CNBD1: variants seen among roughly 807,000 people sequenced by gnomAD.
CNBD1 encodes the protein cyclic nucleotide-binding domain-containing protein 1.
A neutral mutation model predicts 54.4 loss-of-function variants in CNBD1; 71 were observed. The observed-to-expected ratio is 1.30, with a 90% confidence interval of 1.08 to 1.59. The LOEUF (loss-of-function observed/expected upper bound fraction) is 1.59. Among genes scored for constraint, CNBD1 ranks in the 40% most tolerant of loss-of-function variants. The pLI is 0.00. For synonymous variants in CNBD1, 182 were observed against 170.7 expected, an observed-to-expected ratio of 1.07 and a Z score of -0.51; for missense variants, 659 against 518.0, an observed-to-expected ratio of 1.27 and a Z score of -2.64.
chr8:87,129,886 AAG>A (rs1195935103), intron 4 of CNBD1, among the ~76,000 whole-genome samples: 1 of 152,210 alleles, frequency 6.6e-6, no homozygotes, highest in Non-Finnish European at 1.5e-5. Context: ...TTAGAAAAGA[AAG>A]AGGTTTAATT....
intron 4 of CNBD1, among the ~76,000 whole-genome samples, chr8:87,062,678 C>G (rs141595362): frequency 1.3e-5 from 2 of 151,242 alleles, no homozygotes; most frequent in African/African-American, 2.4e-5. Context: ...GCAGCGATTG[C>G]GGTGAGCCAA....
intron 8 of CNBD1, among the ~76,000 whole-genome samples, chr8:87,295,302 A>G (rs1475927016): frequency 6.6e-6 from 1 of 152,000 alleles, no homozygotes; most frequent in Non-Finnish European, 1.5e-5. Flanking sequence ...TACTTCAAAC[A>G]TACTTTGTAG....
intron 4 of CNBD1, among the ~76,000 whole-genome samples, chr8:87,040,517 A>G (rs2130608598): frequency 6.9e-6 from 1 of 144,966 alleles, no homozygotes; most frequent in South Asian, 2.2e-4. Context: ...TCCGCCTTCC[A>G]GGTTAATGCC....
intron 6 of CNBD1, among the ~76,000 whole-genome samples, chr8:87,249,840 C>T (rs1200822764): frequency 3.3e-5 from 5 of 152,074 alleles, no homozygotes; most frequent in Admixed American, 1.3e-4. Flanking sequence ...AAAAACAGGA[C>T]CCTTGAACTT....
chr8:87,396,091 T>C (rs1356897151), intron 2 of CNBD1, among the ~76,000 whole-genome samples: 2 of 151,900 alleles, frequency 1.3e-5, no homozygotes, highest in Non-Finnish European at 2.9e-5. Flanking sequence ...AAATGACTAA[T>C]ACAACAGATA....
At chr8:87,270,310 A>G (rs186365129) in intron 6 of CNBD1, among the ~76,000 whole-genome samples, 1 of 152,044 alleles carries the variant, frequency 6.6e-6, no homozygotes, top group Admixed American at 6.6e-5. Context: ...AAGGACATAA[A>G]CAGACACTTT....
At chr8:87,205,323 C>T (rs761244089) in intron 4 of CNBD1, among the ~76,000 whole-genome samples, 101 of 152,238 alleles carry the variant, frequency 6.6e-4, no homozygotes, top group African/African-American at 1.5e-3. Flanking sequence ...TGAGCCACCA[C>T]GCCTGGCCAA....
intron 4 of CNBD1, among the ~76,000 whole-genome samples, chr8:87,005,716 T>C (rs925618754): frequency 6.6e-6 from 1 of 152,080 alleles, no homozygotes. Flanking sequence ...CTCAAGTCTA[T>C]TGAAACAAAA....
At chr8:86,902,726 C>A (rs909860035) in intron 2 of CNBD1, among the ~76,000 whole-genome samples, 1 of 151,910 alleles carries the variant, frequency 6.6e-6, no homozygotes, top group African/African-American at 2.4e-5. Context: ...AGGATTTACT[C>A]ATAGCCTGGT....
intron 10 of CNBD1, among the ~76,000 whole-genome samples, chr8:87,355,527 A>T (rs1390355416): frequency 1.3e-5 from 2 of 151,660 alleles, no homozygotes; most frequent in Non-Finnish European, 3.0e-5. Context: ...CAAATACTAT[A>T]AATACTCAAA....
rs1171161565 is a variant in CNBD1, at chr8:87,086,075, G to A, written c.432-119918G>A. Among the ~76,000 whole-genome samples the A allele has an allele frequency of 4.6e-5, 7 of 152,088 alleles. No individual in the cohort carries two copies. The East Asian group carries it at 1.2e-3, about 25-fold the overall frequency. ...GGGAGCTTTTGTAATTTCAGCAATGGGTCTCTCATCTAAGTTCCTGGTGAG... is the reference window on the plus strand; with the variant it reads ...GGGAGCTTTTGTAATTTCAGCAATGAGTCTCTCATCTAAGTTCCTGGTGAG... On this transcript the variant is annotated intron_variant, in intron 4 of 10. Coordinates refer to ENST00000518476, the MANE Select transcript of CNBD1 (RefSeq NM_173538.3).
chr8:86,937,284 C>T lies in CNBD1; in HGVS notation c.273-2312C>T, dbSNP rs549209568. Among the ~76,000 whole-genome samples the T allele has an allele frequency of 4.0e-4, 61 of 152,224 alleles. No individual in the cohort carries two copies. In the East Asian group the frequency reaches 0.011, roughly 28 times the overall value. On this transcript the variant is annotated intron_variant, in intron 3 of 10. Coordinates refer to ENST00000518476, the MANE Select transcript of CNBD1 (RefSeq NM_173538.3). Reference sequence around the variant, plus strand: ...AGACCTGCCCCCATGATTCAGATACCTCCCACTGGGTCCCTCCCACAACAC... The same window carrying T: ...AGACCTGCCCCCATGATTCAGATACTTCCCACTGGGTCCCTCCCACAACAC...
At chr8:87,293,760 AAC>A (rs1042940387) in intron 8 of CNBD1, among the ~76,000 whole-genome samples, 6 of 152,216 alleles carry the variant, frequency 3.9e-5, no homozygotes, top group African/African-American at 1.4e-4. Flanking sequence ...AATAAATATC[AAC>A]ACACACAGTG....
At chr8:86,895,088 C>T (rs992297398) in intron 2 of CNBD1, among the ~76,000 whole-genome samples, 1 of 152,136 alleles carries the variant, frequency 6.6e-6, no homozygotes, top group African/African-American at 2.4e-5. Context: ...ATTCATAAGT[C>T]ATACCCTCAT....
intron 3 of CNBD1, among the ~76,000 whole-genome samples, chr8:86,932,252 C>T (rs185392864): frequency 6.6e-6 from 1 of 152,282 alleles, no homozygotes; most frequent in East Asian, 1.9e-4. Context: ...CTGAAAACTT[C>T]CCCAGGTCTA....
At chr8:87,045,967 G>C (rs796842956) in intron 4 of CNBD1, among the ~76,000 whole-genome samples, 3 of 150,854 alleles carry the variant, frequency 2.0e-5, no homozygotes, top group South Asian at 4.2e-4. Flanking sequence ...CTTGAATCTG[G>C]GGGGCGGAGG....
intron 1 of CNBD1, among the ~76,000 whole-genome samples, chr8:86,868,870 G>T (rs1808400936): frequency 6.6e-6 from 1 of 152,126 alleles, no homozygotes; most frequent in Admixed American, 6.6e-5. Flanking sequence ...GGCTCCACTT[G>T]AGATGGGAGA....
At chr8:86,935,230 G>T (rs373495364) in intron 3 of CNBD1, among the ~76,000 whole-genome samples, 95 of 152,026 alleles carry the variant, frequency 6.2e-4, no homozygotes, top group African/African-American at 2.2e-3. Context: ...TAGAGACAGG[G>T]TTTCACTGTG....
intron 4 of CNBD1, among the ~76,000 whole-genome samples, chr8:86,973,667 C>T (rs1424265656): frequency 6.6e-6 from 1 of 152,008 alleles, no homozygotes; most frequent in Non-Finnish European, 1.5e-5. Context: ...TTTTCAATGC[C>T]CTGACATGTT....
Sources: allele counts gnomAD v4.1 joint callset (sites outside exome capture counted in the v4.1 genomes callset), GRCh38; gene constraint gnomAD v4.1.1; transcripts MANE v1.5; gene names NCBI Gene and HGNC (gene_info 2026-07-23, HGNC 2026-07-21).